The following SNX1 variants were observed in gnomAD, a reference collection of about 807,000 sequenced individuals.
SNX1 encodes sorting nexin-1.
In SNX1, 36 loss-of-function variants were observed where a neutral mutation model predicts 71.8. That is an observed-to-expected ratio of 0.50 (90% CI 0.38 to 0.66). The LOEUF (loss-of-function observed/expected upper bound fraction) is 0.66. Ranked by LOEUF, SNX1 falls within the 30% of genes least tolerant of loss-of-function variation. SNX1 has a pLI of 0.00. For missense variants in SNX1, 612 were observed against 646.7 expected (o/e 0.95, Z 0.58); for synonymous variants, 254 against 240.7 (o/e 1.06, Z -0.51).
intron 1 of SNX1, among the ~76,000 whole-genome samples, chr15:64,101,842 T>A (rs961617431): frequency 7.2e-5 from 11 of 152,344 alleles, no homozygotes; most frequent in African/African-American, 2.6e-4. Flanking sequence ...GTGAATGTGG[T>A]TAACTGTATT....
chr15:64,122,046 A>G (rs1449776786), intron 4 of SNX1, among the ~76,000 whole-genome samples: 1 of 152,178 alleles, frequency 6.6e-6, no homozygotes, highest in Admixed American at 6.5e-5. Context: ...TGTGCTCTCT[A>G]TGTACATGCA....
intron 2 of SNX1, among the ~76,000 whole-genome samples, chr15:64,115,107 T>G (rs1772856145): frequency 6.6e-6 from 1 of 152,238 alleles, no homozygotes; most frequent in Admixed American, 6.5e-5. Context: ...ATATGATCTT[T>G]CATTATAAGG....
At position 64,143,459 on chromosome 15, in the gene SNX1, T is replaced by C. The variant is rs2081434619; in HGVS notation, c.*5841T>C. 1 of 152,224 alleles carries C rather than the reference T, an allele frequency of 6.6e-6. No individual in the cohort carries two copies. The highest frequency in any genetic ancestry group is 1.5e-5 in the Non-Finnish European group (1 of 68,050). The allele number at this position is 152,224 out of a possible 1,614,324, so 9.4% of individuals were successfully genotyped here. A position where few individuals can be genotyped will look rare whatever the true frequency, so the allele number is the denominator to read the frequency against. ...TCAAAACAGGTGTCAAATAGATAAC[T>C]GTTGAATGATTGTTCCCCAGTTGCA... On this transcript the variant is annotated 3_prime_UTR_variant, in exon 15 of 15. Transcript: ENST00000559844.
In SNX1 at chr15:64,096,094, G is replaced by A; in HGVS notation, c.81G>A (p.Gly27=). 1 of 1,567,082 alleles carries A rather than the reference G, an allele frequency of 6.4e-7. No individual in the cohort carries two copies. Among genetic ancestry groups the A allele is most frequent in the Non-Finnish European group, 8.6e-7 (1 of 1,158,580 alleles). The change falls in exon 1 of 15, where the codon GGG becomes GGA. Residue 27 remains glycine, a synonymous_variant. Coordinates refer to ENST00000559844, the MANE Select transcript of SNX1 (RefSeq NM_003099.5). ...PFPGLEPESE[G]AAGGSEPEAG... ...CCGGCCTGGAGCCGGAGTCCGAGGGGGCGGCCGGGGGATCAGAACCCGAGG... is the reference window on the plus strand; with the variant it reads ...CCGGCCTGGAGCCGGAGTCCGAGGGAGCGGCCGGGGGATCAGAACCCGAGG...
intron 1 of SNX1, among the ~76,000 whole-genome samples, chr15:64,108,945 G>A (rs999786802): frequency 4.0e-5 from 6 of 150,998 alleles, no homozygotes; most frequent in Admixed American, 2.0e-4. Context: ...CCGAGATCGC[G>A]CCATTGCATT....
chr15:64,116,062 TA>T (rs1380995010), intron 2 of SNX1, among the ~76,000 whole-genome samples: 2 of 152,204 alleles, frequency 1.3e-5, no homozygotes, highest in African/African-American at 4.8e-5. Flanking sequence ...AGCCTACTAA[TA>T]GCCTACTGTT....
At chr15:64,130,414 C>A in intron 10 of SNX1, 93 bp downstream of exon 10, 1 of 1,051,424 alleles carries the variant, frequency 9.5e-7, no homozygotes, top group Non-Finnish European at 1.5e-6. Context: ...TCCTCTCAGC[C>A]ATCCAAGTTG....
At chr15:64,117,413 C>T (rs2081141206) in intron 2 of SNX1, among the ~76,000 whole-genome samples, 1 of 152,108 alleles carries the variant, frequency 6.6e-6, no homozygotes, top group African/African-American at 2.4e-5. Flanking sequence ...GCCACCACAC[C>T]TGGCTACTGT....
At chr15:64,103,445 C>T (rs1235690544) in intron 1 of SNX1, among the ~76,000 whole-genome samples, 1 of 152,040 alleles carries the variant, frequency 6.6e-6, no homozygotes, top group African/African-American at 2.4e-5. Flanking sequence ...TTTACATCTA[C>T]GTTCATAAGA....
At chr15:64,116,603 G>A (rs981138892) in intron 2 of SNX1, among the ~76,000 whole-genome samples, 8 of 152,008 alleles carry the variant, frequency 5.3e-5, no homozygotes, top group African/African-American at 1.9e-4. Flanking sequence ...GTTTCGTTTA[G>A]CCCCAAATGA....
intron 1 of SNX1, among the ~76,000 whole-genome samples, chr15:64,100,603 T>G (rs1173035855): frequency 2.2e-4 from 3 of 13,870 alleles, no homozygotes; most frequent in African/African-American, 5.5e-4. Flanking sequence ...AAACTCCATC[T>G]CAAAAAAAAA....
Position 64,137,457 on chromosome 15 carries a change from G to T in SNX1, c.1519-111G>T, listed in dbSNP as rs1046364822. 77 of 1,182,538 alleles carry T rather than the reference G, an allele frequency of 6.5e-5. 1 individual carries two copies. The highest frequency in any genetic ancestry group is 9.2e-5 in the Non-Finnish European group (75 of 817,312). 73.3% of individuals were successfully genotyped at this position (1,182,538 alleles called of 1,614,324 possible). A position where few individuals can be genotyped will look rare whatever the true frequency, so the allele number is the denominator to read the frequency against. On this transcript the variant is annotated intron_variant, in intron 14 of 14. Coordinates refer to ENST00000559844, the MANE Select transcript of SNX1 (RefSeq NM_003099.5). ...GTGCAGCTGCTCGGAGCCTGCCTTT[G>T]TGTGGCAGGCGCTTGGGGAGCGCCA... is the stretch of plus-strand genomic sequence containing the variant.
intron 1 of SNX1, among the ~76,000 whole-genome samples, chr15:64,109,490 T>TTTTTGTTTTGTTTTG (rs142477216): frequency 1.5e-4 from 22 of 149,710 alleles, no homozygotes; most frequent in African/African-American, 5.4e-4. Flanking sequence ...CTAGTGAAGA[T>TTTTTGTTTTGTTTTG]TTTTGTTTTG....
intron 1 of SNX1, among the ~76,000 whole-genome samples, chr15:64,110,843 T>G (rs531849629): frequency 1.6e-4 from 25 of 152,364 alleles, no homozygotes; most frequent in African/African-American, 6.0e-4. Context: ...GAAAATATTC[T>G]TAGTCATTAA....
Position 64,132,107 on chromosome 15 carries a change from A to G in SNX1, c.1221+215A>G, listed in dbSNP as rs11853761. Among the ~76,000 whole-genome samples, 624 of 152,362 alleles carry G rather than the reference A, an allele frequency of 4.1e-3. 6 individuals are homozygous for G. The highest frequency in any genetic ancestry group is 0.014 in the African/African-American group (582 of 41,580). ...TTTGAGCCCCACAGCCAAGATTCCT[A>G]GATGGCATTTGGAGAAAAGACCACT... On this transcript the variant is annotated intron_variant, in intron 11 of 14. Transcript: ENST00000559844.
At position 64,142,829 on chromosome 15, in the gene SNX1, C is replaced by T. The variant is rs1162904676; in HGVS notation, c.*5211C>T. The T allele has an allele frequency of 5.8e-6, 2 of 345,064 alleles. No homozygotes were observed. Among genetic ancestry groups the T allele is most frequent in the Non-Finnish European group, 5.8e-6 (1 of 171,530 alleles). The allele number at this position is 345,064 out of a possible 1,614,324, so 21.4% of individuals were successfully genotyped here. ...AAACGGGAATAAGAATTGTCGCCTA[C>T]ACAAAAATACCAGCAACTGTTAACT... On this transcript the variant is annotated 3_prime_UTR_variant, in exon 15 of 15. Coordinates refer to ENST00000559844, the MANE Select transcript of SNX1 (RefSeq NM_003099.5).
intron 4 of SNX1, among the ~76,000 whole-genome samples, chr15:64,122,997 G>C (rs956723017): frequency 6.6e-6 from 1 of 151,980 alleles, no homozygotes; most frequent in Non-Finnish European, 1.5e-5. Context: ...TGTCCCCCCC[G>C]GCACCAATGG....
rs115616372 is a variant in SNX1 at position 64,142,051 on chromosome 15, G to T, written c.*4433G>T. On this transcript the variant is annotated 3_prime_UTR_variant, in exon 15 of 15. Transcript: ENST00000559844. ...AGTGCTGAAGGTGTTTTAAGAAGCG[G>T]CTCTGGGCCAGGCACAGTGGCTTAT... 0.014 allele frequency: 2,191 copies of T among 152,936 alleles called. 57 individuals carry two copies. The highest frequency in any genetic ancestry group is 0.05 in the African/African-American group (2,082 of 41,564). 9.5% of individuals were successfully genotyped at this position (152,936 alleles called of 1,614,324 possible).
In SNX1 at chr15:64,134,877, C is replaced by G. The variant is rs2081342036; in HGVS notation, c.1365+70C>G. The G allele has an allele frequency of 2.5e-6, 4 of 1,577,072 alleles. No homozygotes were observed. Among genetic ancestry groups the G allele is most frequent in the Non-Finnish European group, 2.6e-6 (3 of 1,160,420 alleles). On this transcript the variant is annotated intron_variant, in intron 12 of 14. Coordinates refer to ENST00000559844, the MANE Select transcript of SNX1 (RefSeq NM_003099.5). This position sits in a 1 kb window ranked among gnomAD's most constrained non-coding sequence, Gnocchi z 4.1. ...CAAATGAACCCAGGGCCCATCCCAC[C>G]CAGAGGTTTGGAACCCCACAGGGGG...
Sources: allele counts gnomAD v4.1 joint callset (sites outside exome capture counted in the v4.1 genomes callset), GRCh38; gene constraint gnomAD v4.1.1; non-coding constraint Gnocchi (gnomAD v3.1); transcripts MANE v1.5; gene names NCBI Gene and HGNC (gene_info 2026-07-23, HGNC 2026-07-21).